The following GOLM1 variants were observed in gnomAD, a reference collection of about 807,000 sequenced individuals.
The protein encoded by GOLM1 is golgi membrane protein 1, also known as epididymis luminal protein 46.
In GOLM1, 31 loss-of-function variants were observed where a neutral mutation model predicts 50.5. The observed-to-expected ratio is 0.61, with a 90% CI of 0.46 to 0.83. The LOEUF (loss-of-function observed/expected upper bound fraction) is 0.83, where lower values mean the gene tolerates loss of function less well. Ranked by LOEUF, GOLM1 falls within the 40% of genes least tolerant of loss-of-function variation. The pLI is 0.00. For missense variants in GOLM1, 491 were observed against 501.3 expected, an observed-to-expected ratio of 0.98 and a Z score of 0.20; for synonymous variants, 178 against 192.8, an observed-to-expected ratio of 0.92 and a Z score of 0.64.
At chr9:86,039,858 C>T (rs1340412918) in intron 6 of GOLM1, among the ~76,000 whole-genome samples, 2 of 151,852 alleles carry the variant, frequency 1.3e-5, no homozygotes, top group Admixed American at 6.6e-5. Flanking sequence ...ATCCCAGCTA[C>T]TCGGGAGGCT....
chr9:86,087,928 T>TG (rs1189718336), intron 1 of GOLM1, among the ~76,000 whole-genome samples: 2 of 152,216 alleles, frequency 1.3e-5, no homozygotes, highest in African/African-American at 2.4e-5. Flanking sequence ...GGCCAGGTTT[T>TG]GGTATCAGGA....
At chr9:86,048,982 T>C (rs1402327629) in intron 4 of GOLM1, among the ~76,000 whole-genome samples, 1 of 152,204 alleles carries the variant, frequency 6.6e-6, no homozygotes, top group Non-Finnish European at 1.5e-5. Context: ...TTGCCTAAGT[T>C]TTCTTCTAGA....
chr9:86,032,818 A>G (rs909155401), intron 9 of GOLM1, among the ~76,000 whole-genome samples: 1 of 152,204 alleles, frequency 6.6e-6, no homozygotes, highest in African/African-American at 2.4e-5. Flanking sequence ...ACCACAAGCA[A>G]ACAGACAAGG....
chr9:86,088,566 GGTTTTGTTTTTTTTTTTTTTTT>G (rs1282545955), intron 1 of GOLM1, among the ~76,000 whole-genome samples: 5 of 71,146 alleles, frequency 7.0e-5, no homozygotes, highest in Non-Finnish European at 9.4e-5. Context: ...TGCAACTCCT[GGTTTTGTTTTTTTTTTTTTTTT>G]GTTTTGTTTT....
At chr9:86,036,711 A>T in intron 6 of GOLM1, 1 of 590,734 alleles carries the variant, frequency 1.7e-6, no homozygotes, top group East Asian at 2.8e-5. Flanking sequence ...AAGGTCTCCC[A>T]GAAAGTACTG....
intron 3 of GOLM1, among the ~76,000 whole-genome samples, chr9:86,063,929 G>A (rs1045491883): frequency 1.5e-4 from 23 of 152,304 alleles, no homozygotes; most frequent in South Asian, 1.2e-3. Context: ...GCTAACCATC[G>A]TGGGCAACCT....
In GOLM1 at chr9:86,060,638, T is replaced by G. The variant is rs370603724; in HGVS notation, c.310-8047A>C. On this transcript the variant is annotated intron_variant, in intron 3 of 9. Transcript: ENST00000388712. The stretch of plus-strand genomic sequence containing the variant: ...AGCTCACGCCTGTAATCCCAGCACT[T>G]TGGGAGGCCGAGGCGGGTGGATCAC... Among the ~76,000 whole-genome samples the G allele has an allele frequency of 1.2e-4, 18 of 151,592 alleles. 1 individual carries two copies. Among genetic ancestry groups the G allele is most frequent in the Admixed American group, 8.5e-4 (13 of 15,234 alleles).
chr9:86,081,720 T>A (rs1226564803), intron 1 of GOLM1, among the ~76,000 whole-genome samples: 1 of 151,354 alleles, frequency 6.6e-6, no homozygotes, highest in Non-Finnish European at 1.5e-5. Context: ...TGAAACTCCA[T>A]CTCTACTAAA....
chr9:86,034,111 C>T (rs1364937827), intron 8 of GOLM1, among the ~76,000 whole-genome samples: 7 of 152,002 alleles, frequency 4.6e-5, no homozygotes, highest in Admixed American at 1.3e-4. Context: ...ATTACAGGCA[C>T]GTGCTGCCAT....
chr9:86,087,866 T>A (rs1835028321), intron 1 of GOLM1, among the ~76,000 whole-genome samples: 1 of 152,228 alleles, frequency 6.6e-6, no homozygotes, highest in South Asian at 2.1e-4. Flanking sequence ...GATTTCCCCA[T>A]CGATGTTCAT....
chr9:86,058,772 G>A (rs532394135), intron 3 of GOLM1, among the ~76,000 whole-genome samples: 89 of 151,882 alleles, frequency 5.9e-4, no homozygotes, highest in Admixed American at 9.2e-4. Context: ...CGAGGCGGGC[G>A]GATCACCTGA....
At chr9:86,099,143 A>T (rs1366814705) in intron 1 of GOLM1, among the ~76,000 whole-genome samples, 2 of 152,146 alleles carry the variant, frequency 1.3e-5, no homozygotes, top group Non-Finnish European at 2.9e-5. Context: ...AATCCTCGCG[A>T]GGCCCCTCAT....
intron 5 of GOLM1, among the ~76,000 whole-genome samples, chr9:86,042,186 T>TG (rs1833378821): frequency 6.6e-6 from 1 of 152,258 alleles, no homozygotes; most frequent in South Asian, 2.1e-4. Context: ...TTCAGCTTGC[T>TG]GCCTGGATTT....
chr9:86,095,360 C>T (rs1181335168), intron 1 of GOLM1, among the ~76,000 whole-genome samples: 2 of 151,780 alleles, frequency 1.3e-5, no homozygotes, highest in African/African-American at 4.8e-5. Flanking sequence ...TCCCAGGTAG[C>T]TGGAATTACA....
At chr9:86,076,657 A>G (rs936856333) in intron 3 of GOLM1, among the ~76,000 whole-genome samples, 1 of 151,676 alleles carries the variant, frequency 6.6e-6, no homozygotes, top group Non-Finnish European at 1.5e-5. Context: ...CGAGGTCAAG[A>G]GATCGAAACC....
rs370806408 is a variant in GOLM1, at chr9:86,087,294, T to G, written c.-21-7953A>C. Reference sequence around the variant, plus strand: ...TGCTTGTGATTTTTGCACATTGATTTTGTATCCTGAGACTTTGCTGAAGTT... The same window carrying G: ...TGCTTGTGATTTTTGCACATTGATTGTGTATCCTGAGACTTTGCTGAAGTT... On this transcript the variant is annotated intron_variant, in intron 1 of 9. Coordinates refer to ENST00000388712, the MANE Select transcript of GOLM1 (RefSeq NM_016548.4). Among the ~76,000 whole-genome samples, 4 of 152,234 alleles carry G rather than the reference T, an allele frequency of 2.6e-5. No individual in the cohort carries two copies. In the East Asian group the frequency reaches 7.7e-4, roughly 29 times the overall value.
chr9:86,094,058 T>C (rs1001637548), intron 1 of GOLM1, among the ~76,000 whole-genome samples: 2 of 152,136 alleles, frequency 1.3e-5, no homozygotes, highest in African/African-American at 4.8e-5. Context: ...CGGGAAAGAA[T>C]CAGTCACCAA....
At chr9:86,035,006 C>A in intron 8 of GOLM1, 1 of 985,254 alleles carries the variant, frequency 1.0e-6, no homozygotes, top group Non-Finnish European at 1.2e-6. Context: ...CACTGATTGT[C>A]TAAATGGCAC....
Position 86,026,894 on chromosome 9 carries a change from T to TA in GOLM1, c.*922dup. 1.0e-6 allele frequency: 1 copy of TA among 984,598 alleles called. No individual in the cohort carries two copies. The highest frequency in any genetic ancestry group is 1.2e-6 in the Non-Finnish European group (1 of 829,196). The allele number at this position is 984,598 out of a possible 1,614,324, so 61.0% of individuals were successfully genotyped here. On this transcript the variant is annotated 3_prime_UTR_variant, in exon 10 of 10. Transcript: ENST00000388712. ...CAGTCCTAATTTCTAACACTGTATATATCCTTCGACATCAATGAACTTTGT... is the reference window on the plus strand; with the variant it reads ...CAGTCCTAATTTCTAACACTGTATATAATCCTTCGACATCAATGAACTTTGT...
Sources: gnomAD v4.1 joint callset for allele counts (sites outside exome capture counted in the v4.1 genomes callset) on GRCh38, gnomAD v4.1.1 for gene constraint, MANE v1.5 for transcripts, NCBI Gene and HGNC (gene_info 2026-07-23, HGNC 2026-07-21) for gene names.